The following IGSF10 variants were observed in gnomAD, a reference collection of about 807,000 sequenced individuals.
The protein encoded by IGSF10 is immunoglobulin superfamily member 10, also known as calvaria mechanical force protein 608.
A neutral mutation model predicts 128.2 loss-of-function variants in IGSF10; 126 were observed. The observed-to-expected ratio is 0.98, with a 90% confidence interval of 0.85 to 1.14. The LOEUF (loss-of-function observed/expected upper bound fraction) is 1.14. Among genes scored for constraint, IGSF10 ranks in the 50% most tolerant of loss-of-function variants. The pLI is 0.00. For synonymous variants in IGSF10, 1,185 were observed against 1,146.2 expected, an observed-to-expected ratio of 1.03 and a Z score of -0.68; for missense variants, 3,295 against 3,149.8, an observed-to-expected ratio of 1.05 and a Z score of -1.10.
At chr3:151,475,233 A>C in the IGSF10 span, among the ~76,000 whole-genome samples, 1 of 152,222 alleles carries the variant, frequency 6.6e-6, no homozygotes, top group Non-Finnish European at 1.5e-5. Context: ...ACACCCAAGA[A>C]GACATGTGAA....
chr3:151,604,401 A>T, the IGSF10 span, among the ~76,000 whole-genome samples: 1 of 152,072 alleles, frequency 6.6e-6, no homozygotes, highest in Non-Finnish European at 1.5e-5. Context: ...ATATTTACAT[A>T]TGTAAATCAA....
At chr3:151,558,728 T>C in the IGSF10 span, among the ~76,000 whole-genome samples, 2 of 152,140 alleles carry the variant, frequency 1.3e-5, no homozygotes, top group African/African-American at 4.8e-5. Flanking sequence ...ATCCCAGAGC[T>C]TGCCAATGAA....
chr3:151,564,344 A>G, the IGSF10 span, among the ~76,000 whole-genome samples: 1 of 152,078 alleles, frequency 6.6e-6, no homozygotes, highest in African/African-American at 2.4e-5. Context: ...ACAGGGAGCC[A>G]ATTGGCAGCT....
the IGSF10 span, among the ~76,000 whole-genome samples, chr3:151,510,638 G>A: frequency 6.6e-6 from 1 of 152,146 alleles, no homozygotes; most frequent in Non-Finnish European, 1.5e-5. Flanking sequence ...AGTTGAGAAA[G>A]GAAGGCTTCA....
At chr3:151,528,326 C>T in the IGSF10 span, among the ~76,000 whole-genome samples, 1 of 152,074 alleles carries the variant, frequency 6.6e-6, no homozygotes, top group African/African-American at 2.4e-5. Context: ...TTCGAGGGGC[C>T]TAAAGCTCAT....
the IGSF10 span, among the ~76,000 whole-genome samples, chr3:151,607,912 GAAAAAAAAA>G: frequency 9.5e-5 from 4 of 42,064 alleles, no homozygotes; most frequent in Admixed American, 3.9e-4. Context: ...CTCCATCTCG[GAAAAAAAAA>G]AAAAAAAAAA....
At position 151,438,358 on chromosome 3, in the gene IGSF10, G is replaced by A. The variant is rs1720570273; in HGVS notation, c.6203C>T (p.Pro2068Leu). ...VDCKASGSPV[P>L]EISWSLPDGT... The stretch of plus-strand genomic sequence containing the variant: ...ATCAGGCAAACTCCAAGATATCTCT[G>A]GCACTGGGGAGCCGGAAGCTTTGCA... The change falls in exon 8 of 8, where the codon CCA becomes CTA. Residue 2068 changes from proline to leucine, a missense_variant. By Grantham distance (98) the Pro-to-Leu change is moderately conservative. Transcript: ENST00000282466. 5.0e-6 allele frequency: 8 copies of A among 1,614,148 alleles called. 1 individual carries two copies. The highest frequency in any genetic ancestry group is 3.3e-4 in the Middle Eastern group (2 of 6,062).
the IGSF10 span, among the ~76,000 whole-genome samples, chr3:151,564,130 T>C: frequency 1.3e-5 from 2 of 152,210 alleles, no homozygotes; most frequent in Non-Finnish European, 2.9e-5. Context: ...CCACAAACCT[T>C]GCATTGGCTT....
chr3:151,461,175 C>T (rs552797242), upstream of IGSF10: 37 of 985,388 alleles, frequency 3.8e-5, 1 homozygote, highest in Admixed American at 3.7e-4. Flanking sequence ...TGTTTACGAG[C>T]GTGTGGGAAG....
the IGSF10 span, among the ~76,000 whole-genome samples, chr3:151,592,898 G>T: frequency 2.6e-5 from 4 of 152,008 alleles, no homozygotes; most frequent in Non-Finnish European, 5.9e-5. Context: ...TTTGGGTATT[G>T]CAATATTTAT....
chr3:151,562,535 T>C, the IGSF10 span, among the ~76,000 whole-genome samples: 2 of 152,070 alleles, frequency 1.3e-5, no homozygotes, highest in Admixed American at 1.3e-4. Flanking sequence ...ACAGTTTTAC[T>C]CTAGTATAAA....
At chr3:151,609,964 T>C in the IGSF10 span, among the ~76,000 whole-genome samples, 1 of 152,258 alleles carries the variant, frequency 6.6e-6, no homozygotes, top group African/African-American at 2.4e-5. Context: ...AACAAATCTC[T>C]ACATGTACCC....
At chr3:151,539,186 T>A in the IGSF10 span, among the ~76,000 whole-genome samples, 34 of 152,148 alleles carry the variant, frequency 2.2e-4, no homozygotes, top group Admixed American at 2.0e-3. Flanking sequence ...GGAGTCCACA[T>A]GTTACACATG....
the IGSF10 span, among the ~76,000 whole-genome samples, chr3:151,586,868 G>T: frequency 1.3e-5 from 2 of 151,718 alleles, no homozygotes; most frequent in Non-Finnish European, 2.9e-5. Flanking sequence ...AAAATGGAGA[G>T]GGGGGGAAAA....
chr3:151,497,708 T>C, the IGSF10 span, among the ~76,000 whole-genome samples: 1 of 152,088 alleles, frequency 6.6e-6, no homozygotes, highest in Non-Finnish European at 1.5e-5. Flanking sequence ...TTCCAATTTT[T>C]TGAAGAAAGT....
At chr3:151,461,177 T>A (rs1722045483), upstream of IGSF10, 1 of 985,158 alleles carries the variant, frequency 1.0e-6, no homozygotes. Context: ...TTTACGAGCG[T>A]GTGGGAAGCT....
At chr3:151,528,007 C>T in the IGSF10 span, among the ~76,000 whole-genome samples, 3 of 152,276 alleles carry the variant, frequency 2.0e-5, no homozygotes, top group Admixed American at 2.0e-4. Flanking sequence ...TTAATAGCTG[C>T]ATGACCTGAG....
chr3:151,552,277 C>T, the IGSF10 span, among the ~76,000 whole-genome samples: 2 of 152,092 alleles, frequency 1.3e-5, no homozygotes, highest in Non-Finnish European at 2.9e-5. Context: ...TCAATTAAAC[C>T]TCTTTTCTTC....
intron 4 of IGSF10, 85 bp from the exon 5 acceptor site, chr3:151,453,859 T>C: frequency 1.2e-6 from 1 of 802,544 alleles, no homozygotes; most frequent in Middle Eastern, 3.1e-4. Flanking sequence ...AAAACTTATG[T>C]TGAAATTAAT....
Sources: gnomAD v4.1 joint callset for allele counts (sites outside exome capture counted in the v4.1 genomes callset) on GRCh38, gnomAD v4.1.1 for gene constraint, MANE v1.5 for transcripts, NCBI Gene and HGNC (gene_info 2026-07-23, HGNC 2026-07-21) for gene names.